The following OPCML variants were observed in gnomAD, a reference collection of about 807,000 sequenced individuals.
OPCML encodes the protein opioid-binding protein/cell adhesion molecule.
In OPCML, 13 loss-of-function variants were observed where a neutral mutation model predicts 37.8. That is an observed-to-expected ratio of 0.34 (90% confidence interval 0.22 to 0.55). The LOEUF (loss-of-function observed/expected upper bound fraction) is 0.55, where lower values mean the gene tolerates loss of function less well. Among genes scored for constraint, OPCML ranks in the 20% least tolerant of loss-of-function variants. OPCML has a pLI of 0.91. For missense variants in OPCML, 341 were observed against 435.6 expected, an observed-to-expected ratio of 0.78 and a Z score of 1.93; for synonymous variants, 176 against 168.8, an observed-to-expected ratio of 1.04 and a Z score of -0.33.
intron 1 of OPCML, among the ~76,000 whole-genome samples, chr11:133,504,962 TAAGA>T (rs1947994872): frequency 6.6e-6 from 1 of 152,144 alleles, no homozygotes; most frequent in African/African-American, 2.4e-5. Flanking sequence ...TGTGACAGAC[TAAGA>T]AAGGTTGAGA....
chr11:132,665,694 T>C (rs984067481), intron 2 of OPCML, among the ~76,000 whole-genome samples: 4 of 152,150 alleles, frequency 2.6e-5, no homozygotes, highest in African/African-American at 7.2e-5. Context: ...AAATAATGAA[T>C]GATTGAGCTG....
At chr11:133,505,131 C>T (rs966942812) in intron 1 of OPCML, among the ~76,000 whole-genome samples, 1 of 152,324 alleles carries the variant, frequency 6.6e-6, no homozygotes, top group Non-Finnish European at 1.5e-5. Context: ...CCTCATCAAA[C>T]CCCGGAATTC....
chr11:133,441,606 G>T (rs946621671), intron 1 of OPCML, among the ~76,000 whole-genome samples: 15 of 151,994 alleles, frequency 9.9e-5, no homozygotes, highest in African/African-American at 3.6e-4. Context: ...TATGATTATT[G>T]TTGTGTTTTT....
At chr11:132,961,271 C>T (rs1396345043) in intron 1 of OPCML, among the ~76,000 whole-genome samples, 2 of 151,758 alleles carry the variant, frequency 1.3e-5, no homozygotes, top group Non-Finnish European at 2.9e-5. Flanking sequence ...ACATTGATGC[C>T]GTAGAAGAAT....
At chr11:133,519,184 AT>A (rs2120686150) in intron 1 of OPCML, among the ~76,000 whole-genome samples, 1 of 152,212 alleles carries the variant, frequency 6.6e-6, no homozygotes, top group South Asian at 2.1e-4. Flanking sequence ...TGGCTTCCAG[AT>A]ATTCCTAGTC....
At chr11:133,130,355 G>A (rs1388035620) in intron 1 of OPCML, among the ~76,000 whole-genome samples, 1 of 152,072 alleles carries the variant, frequency 6.6e-6, no homozygotes, top group Non-Finnish European at 1.5e-5. Flanking sequence ...GTTGCTATAG[G>A]AAAGGAGAAA....
At chr11:133,030,642 G>A (rs1947648540) in intron 1 of OPCML, among the ~76,000 whole-genome samples, 1 of 152,088 alleles carries the variant, frequency 6.6e-6, no homozygotes, top group Non-Finnish European at 1.5e-5. Flanking sequence ...GCAGCCCCCT[G>A]CTTCATCAAC....
intron 1 of OPCML, among the ~76,000 whole-genome samples, chr11:133,112,163 T>C (rs1007146378): frequency 1.3e-5 from 2 of 151,914 alleles, no homozygotes; most frequent in African/African-American, 2.4e-5. Flanking sequence ...ATTTATTCCC[T>C]ATATTAATCT....
At chr11:132,556,384 A>G (rs2096395707) in intron 3 of OPCML, among the ~76,000 whole-genome samples, 1 of 152,148 alleles carries the variant, frequency 6.6e-6, no homozygotes, top group Non-Finnish European at 1.5e-5. Context: ...TCTTCAAAAC[A>G]TTCAGGGTGT....
chr11:132,570,804 T>TGAGAGAGAGAGAGAG lies in OPCML; in HGVS notation c.380-41619_380-41618insCTCTCTCTCTCTCTC, dbSNP rs1271040683. On this transcript the variant is annotated intron_variant, in intron 3 of 7. Coordinates refer to ENST00000524381, the MANE Select transcript of OPCML (RefSeq NM_001012393.5). ...ATATATATATATATATATATATATT[T>TGAGAGAGAGAGAGAG]AGAGAGAGAGAGAGAGGATATATAC... 6.1e-3 allele frequency among the ~76,000 whole-genome samples: 556 copies of TGAGAGAGAGAGAGAG among 90,742 alleles called. 6 individuals carry two copies. The highest frequency in any genetic ancestry group is 0.011 in the Middle Eastern group (2 of 176). 59.5% of individuals were successfully genotyped at this position (90,742 alleles called of 152,430 possible).
At chr11:133,481,659 A>T (rs1947374558) in intron 1 of OPCML, among the ~76,000 whole-genome samples, 1 of 152,194 alleles carries the variant, frequency 6.6e-6, no homozygotes, top group Non-Finnish European at 1.5e-5. Context: ...TGACTACACT[A>T]GGTGCTATAT....
intron 2 of OPCML, among the ~76,000 whole-genome samples, chr11:132,842,266 G>A (rs1029674819): frequency 1.4e-4 from 21 of 152,108 alleles, no homozygotes; most frequent in African/African-American, 4.1e-4. Flanking sequence ...CACGCCGCAC[G>A]TTCCACTCAA....
chr11:133,400,934 G>A (rs1480925312), intron 1 of OPCML, among the ~76,000 whole-genome samples: 1 of 152,204 alleles, frequency 6.6e-6, no homozygotes, highest in African/African-American at 2.4e-5. Flanking sequence ...GCCCTTGTGG[G>A]ACACTGCAAC....
chr11:133,306,351 A>G (rs190666503), intron 1 of OPCML, among the ~76,000 whole-genome samples: 26 of 152,354 alleles, frequency 1.7e-4, no homozygotes, highest in Non-Finnish European at 3.1e-4. Flanking sequence ...GCAATGCAAA[A>G]TATCAAACAA....
chr11:132,949,962 G>A (rs897779186), intron 1 of OPCML, among the ~76,000 whole-genome samples: 1 of 152,144 alleles, frequency 6.6e-6, no homozygotes, highest in Admixed American at 6.5e-5. Flanking sequence ...TCTGAAGAGG[G>A]AGCATTTGAC....
At chr11:132,821,009 G>T (rs1939953577) in intron 2 of OPCML, among the ~76,000 whole-genome samples, 1 of 152,180 alleles carries the variant, frequency 6.6e-6, no homozygotes, top group African/African-American at 2.4e-5. Context: ...TGCATCACTT[G>T]AATGTACCAT....
chr11:133,433,751 CTTCCCCCTTAACCCACTTCAG>C (rs1449093558), intron 1 of OPCML, among the ~76,000 whole-genome samples: 1 of 152,172 alleles, frequency 6.6e-6, no homozygotes, highest in Non-Finnish European at 1.5e-5. Flanking sequence ...CAAGGCACAT[CTTCCCCCTTAACCCACTTCAG>C]GGTTTTGCCT....
At chr11:132,672,197 C>G (rs1005537005) in intron 2 of OPCML, among the ~76,000 whole-genome samples, 2 of 152,104 alleles carry the variant, frequency 1.3e-5, no homozygotes. Context: ...GAGAAGGGTC[C>G]CCTTCTACTC....
At chr11:132,694,599 C>T (rs945864081) in intron 2 of OPCML, among the ~76,000 whole-genome samples, 7 of 152,238 alleles carry the variant, frequency 4.6e-5, no homozygotes, top group Non-Finnish European at 8.8e-5. Flanking sequence ...CTTTGTGCTA[C>T]ATGCTGCCAG....
Sources: allele counts gnomAD v4.1 joint callset (sites outside exome capture counted in the v4.1 genomes callset), GRCh38; gene constraint gnomAD v4.1.1; transcripts MANE v1.5; gene names NCBI Gene and HGNC (gene_info 2026-07-23, HGNC 2026-07-21).